Variants in RAD51B observed in about 807,000 individuals in gnomAD.
RAD51B encodes the protein DNA repair protein RAD51 homolog 2.
A neutral mutation model predicts 42.2 loss-of-function variants in RAD51B; 38 were observed. The ratio of observed to expected loss-of-function variants is 0.90; its 90% CI spans 0.70 to 1.18. RAD51B has a LOEUF of 1.18. RAD51B is among the 50% of genes most tolerant of loss of function. RAD51B has a pLI of 0.00. For synonymous variants in RAD51B, 154 were observed against 145.2 expected, an observed-to-expected ratio of 1.06 and a Z score of -0.43; for missense variants, 373 against 400.7, an observed-to-expected ratio of 0.93 and a Z score of 0.59.
chr14:67,887,436 G>A (rs2043096366), intron 7 of RAD51B: 4 of 355,956 alleles, frequency 1.1e-5, no homozygotes, highest in Admixed American at 4.3e-5. Context: ...AGATTTAAAC[G>A]ATGTTTTTAA....
chr14:68,536,996 A>G (rs949077210), intron 10 of RAD51B, among the ~76,000 whole-genome samples: 2 of 146,568 alleles, frequency 1.4e-5, no homozygotes, highest in Non-Finnish European at 3.0e-5. Flanking sequence ...TGGGAGGATC[A>G]CTTGAGCATG....
chr14:67,893,595 C>T (rs1033137457), intron 7 of RAD51B, among the ~76,000 whole-genome samples: 9 of 151,946 alleles, frequency 5.9e-5, no homozygotes, highest in African/African-American at 2.2e-4. Flanking sequence ...GGCTTGAACC[C>T]AGGAGTTCAA....
At chr14:68,022,495 T>G (rs2075883157) in intron 7 of RAD51B, among the ~76,000 whole-genome samples, 1 of 152,174 alleles carries the variant, frequency 6.6e-6, no homozygotes, top group Non-Finnish European at 1.5e-5. Flanking sequence ...TTAAGTTCTT[T>G]GAGAAATAGC....
chr14:68,088,657 G>A (rs1033222855), intron 7 of RAD51B, among the ~76,000 whole-genome samples: 1 of 141,272 alleles, frequency 7.1e-6, no homozygotes, highest in African/African-American at 2.6e-5. Context: ...AGAGAGAGGT[G>A]GGGGGGAGAT....
intron 10 of RAD51B, among the ~76,000 whole-genome samples, chr14:68,568,885 G>A (rs1889554650): frequency 6.6e-6 from 1 of 152,142 alleles, no homozygotes; most frequent in African/African-American, 2.4e-5. Context: ...AACCCAGTGT[G>A]GGCAAAAATA....
chr14:67,882,129 T>A (rs185061403), intron 5 of RAD51B, among the ~76,000 whole-genome samples: 121 of 152,280 alleles, frequency 7.9e-4, no homozygotes, highest in African/African-American at 2.8e-3. Flanking sequence ...TATGCCACCA[T>A]GCCCAGCTAA....
At chr14:68,061,949 G>A (rs148706156) in intron 7 of RAD51B, among the ~76,000 whole-genome samples, 21 of 152,288 alleles carry the variant, frequency 1.4e-4, no homozygotes, top group Non-Finnish European at 2.4e-4. Context: ...TAAAAGTGGT[G>A]AATGTGAGCA....
intron 7 of RAD51B, among the ~76,000 whole-genome samples, chr14:68,120,217 T>C (rs2077623791): frequency 6.6e-6 from 1 of 152,100 alleles, no homozygotes; most frequent in Non-Finnish European, 1.5e-5. Context: ...TTCTGGATAT[T>C]AGCCCTTTGT....
intron 10 of RAD51B, among the ~76,000 whole-genome samples, chr14:68,506,204 C>T (rs566581741): frequency 2.0e-5 from 3 of 152,290 alleles, no homozygotes; most frequent in East Asian, 1.9e-4. Flanking sequence ...GCTGAGCCTC[C>T]GTCCTCCCAG....
At chr14:68,037,031 C>T (rs2076134821) in intron 7 of RAD51B, among the ~76,000 whole-genome samples, 1 of 103,860 alleles carries the variant, frequency 9.6e-6, no homozygotes, top group African/African-American at 3.9e-5. Context: ...TGTTACCCTC[C>T]CTCCCCCCCT....
chr14:67,846,618 G>A (rs1201189702), intron 4 of RAD51B, among the ~76,000 whole-genome samples: 5 of 152,164 alleles, frequency 3.3e-5, no homozygotes, highest in Non-Finnish European at 7.3e-5. Flanking sequence ...TGCCAGTGAA[G>A]GAGCTATGAT....
intron 10 of RAD51B, among the ~76,000 whole-genome samples, chr14:68,528,648 G>A (rs1461531439): frequency 2.0e-5 from 3 of 152,184 alleles, no homozygotes; most frequent in African/African-American, 7.2e-5. Flanking sequence ...GGCAAATATA[G>A]ATTTGTTCAG....
At chr14:68,052,815 G>A (rs1169398175) in intron 7 of RAD51B, among the ~76,000 whole-genome samples, 2 of 141,602 alleles carry the variant, frequency 1.4e-5, no homozygotes, top group Admixed American at 7.2e-5. Context: ...TTTTTCTTTT[G>A]TAGAGACAGG....
intron 7 of RAD51B, among the ~76,000 whole-genome samples, chr14:67,996,286 C>T (rs891002329): frequency 4.0e-5 from 6 of 151,838 alleles, no homozygotes; most frequent in East Asian, 1.9e-4. Flanking sequence ...GTCCCAGCTA[C>T]GTGGGAGCCC....
At chr14:68,055,453 A>G (rs979742405) in intron 7 of RAD51B, among the ~76,000 whole-genome samples, 1 of 152,186 alleles carries the variant, frequency 6.6e-6, no homozygotes, top group Non-Finnish European at 1.5e-5. Context: ...GTAAATCAGT[A>G]ACCTTTCAGA....
At chr14:68,357,768 G>C (rs1170545769) in intron 8 of RAD51B, among the ~76,000 whole-genome samples, 1 of 152,096 alleles carries the variant, frequency 6.6e-6, no homozygotes, top group Non-Finnish European at 1.5e-5. Flanking sequence ...AGTCTCAATG[G>C]TGGGCTTAAA....
At chr14:68,665,109 T>C (rs531867004) in intron 11 of RAD51B, among the ~76,000 whole-genome samples, 1 of 152,386 alleles carries the variant, frequency 6.6e-6, no homozygotes, top group African/African-American at 2.4e-5. Context: ...TGTTGGAATC[T>C]CTTGACTTAG....
At chr14:67,864,073 C>T (rs917186987) in intron 4 of RAD51B, among the ~76,000 whole-genome samples, 6 of 151,900 alleles carry the variant, frequency 3.9e-5, no homozygotes, top group African/African-American at 1.5e-4. Context: ...GAGAAAGTGC[C>T]ACACACATTT....
At chr14:68,344,473 C>G (rs1055481699) in intron 8 of RAD51B, among the ~76,000 whole-genome samples, 7 of 151,686 alleles carry the variant, frequency 4.6e-5, no homozygotes, top group African/African-American at 1.7e-4. Flanking sequence ...CAGTGAAACC[C>G]CGTCTCTACT....
Sources: allele counts gnomAD v4.1 joint callset (sites outside exome capture counted in the v4.1 genomes callset), GRCh38; gene constraint gnomAD v4.1.1; transcripts MANE v1.5; gene names NCBI Gene and HGNC (gene_info 2026-07-23, HGNC 2026-07-21).